The following DUS3L variants were observed in gnomAD, a reference collection of about 807,000 sequenced individuals.
DUS3L encodes the protein tRNA-dihydrouridine(47) synthase [NAD(P)(+)]-like.
In DUS3L, 62 loss-of-function variants were observed where a neutral mutation model predicts 74.6. That is an observed-to-expected ratio of 0.83 (90% CI 0.68 to 1.03). The LOEUF (loss-of-function observed/expected upper bound fraction) is 1.03, where lower values mean the gene tolerates loss of function less well. Among genes scored for constraint, DUS3L ranks in the 50% least tolerant of loss-of-function variants. DUS3L has a pLI of 0.00. For missense variants in DUS3L, 884 were observed against 924.4 expected, an observed-to-expected ratio of 0.96 and a Z score of 0.57; for synonymous variants, 433 against 395.7, an observed-to-expected ratio of 1.09 and a Z score of -1.12.
chr19:5,785,473 C>A lies in DUS3L; in HGVS notation c.1790G>T (p.Arg597Met). The change falls in exon 12 of 13, where the codon AGG becomes ATG. Residue 597 changes from arginine (R) to methionine (M), a missense_variant. Arg to Met is a moderately conservative substitution (Grantham distance 91, BLOSUM62 -1). Coordinates refer to ENST00000309061, the MANE Select transcript of DUS3L (RefSeq NM_020175.3). Reference sequence around the variant, plus strand: ...GTAGTAGGGCGGCCGCTCGTTGATCCTCTGTGGGAGCCGCTCCAGCAGCCC... The same window carrying A: ...GTAGTAGGGCGGCCGCTCGTTGATCATCTGTGGGAGCCGCTCCAGCAGCCC... The part of the protein sequence containing the change: ...PVGLLERLPQ[R>M]INERPPYYLG... The A allele has an allele frequency of 6.3e-7, 1 of 1,581,506 alleles. No individual in the cohort carries two copies. The highest frequency in any genetic ancestry group is 8.6e-7 in the Non-Finnish European group (1 of 1,163,952).
chr19:5,789,506 TCCCGCGGGCC>T lies in DUS3L; in HGVS notation c.591_600del (p.Ala198ProfsTer85), dbSNP rs1424463555. 1 of 1,604,980 alleles carries T rather than the reference TCCCGCGGGCC, an allele frequency of 6.2e-7. No individual in the cohort carries two copies. Among genetic ancestry groups the T allele is most frequent in the East Asian group, 2.2e-5 (1 of 44,762 alleles). ...CCGTTGCGGATGGACGGGGGCTGGG[TCCCGCGGGCC>T]GCCAACTCCTCCTGCACCAGGTTCT... is the stretch of plus-strand genomic sequence containing the variant. On this transcript the variant is annotated frameshift_variant, in exon 3 of 13. Coordinates refer to ENST00000309061, the MANE Select transcript of DUS3L (RefSeq NM_020175.3). LOFTEE classifies it high-confidence loss of function.
Position 5,789,415 on chromosome 19 carries a change from G to A in DUS3L, c.692C>T (p.Ala231Val). 2 of 1,596,562 alleles carry A rather than the reference G, an allele frequency of 1.3e-6. No individual in the cohort carries two copies. Among genetic ancestry groups the A allele is most frequent in the Non-Finnish European group, 1.7e-6 (2 of 1,175,482 alleles). The part of the protein sequence containing the change: ...REVRFERAEQ[A>V]LRRFSQGPTP... ...GGGGCCCTGGCTGAACCGGCGCAGG[G>A]CCTGCTCAGCTCGCTCGAAGCGGAC... Residue 231 changes from alanine (A) to valine (V), a missense_variant, in exon 3 of 13, where the codon GCC (alanine) becomes GTC (valine). By Grantham distance (64) the Ala-to-Val change is moderately conservative. Transcript: ENST00000309061.
At position 5,786,450 on chromosome 19, in the gene DUS3L, C is replaced by T. The variant is rs756414001; in HGVS notation, c.1562+17G>A. The T allele has an allele frequency of 6.2e-6, 10 of 1,611,406 alleles. No individual in the cohort carries two copies. The South Asian group carries it at 8.8e-5, about 14-fold the overall frequency. ...GCTGTGCATGAAGCTGGATCTCTAA[C>T]ATCCCTGGGCACTTACCGGGCAATC... On this transcript the variant is annotated intron_variant, in intron 10 of 12. Transcript: ENST00000309061.
rs114441730 is a variant in DUS3L at position 5,789,947 on chromosome 19, G to A, written c.387+100C>T. 8.6e-4 allele frequency: 1,286 copies of A among 1,499,084 alleles called. 5 individuals carry two copies. In the African/African-American group the frequency reaches 0.013, roughly 15 times the overall value. 92.9% of individuals were successfully genotyped at this position (1,499,084 alleles called of 1,614,324 possible). A position where few individuals can be genotyped will look rare whatever the true frequency, so the allele number is the denominator to read the frequency against. ...TGGCATCAGAGCAAGCTCACTGCTC[G>A]TTGCTGAAGGCCCAGGAGCTTTCTA... On this transcript the variant is annotated intron_variant, in intron 2 of 12. Coordinates refer to ENST00000309061, the MANE Select transcript of DUS3L (RefSeq NM_020175.3).
Position 5,789,394 on chromosome 19 carries a change from C to T in DUS3L, c.713G>A (p.Gly238Asp), listed in dbSNP as rs2056886847. Residue 238 changes from glycine (G) to aspartate (D), a missense_variant, in exon 3 of 13, where the codon GGC becomes GAC. Gly to Asp is a moderately conservative substitution (Grantham distance 94). Coordinates refer to ENST00000309061, the MANE Select transcript of DUS3L (RefSeq NM_020175.3). ...AEQALRRFSQ[G>D]PTPAAAVPEG... ...GGGGACAGCGGCAGCGGGTGTGGGG[C>T]CCTGGCTGAACCGGCGCAGGGCCTG... is the stretch of plus-strand genomic sequence containing the variant. 1.3e-6 allele frequency: 2 copies of T among 1,592,586 alleles called. No individual in the cohort carries two copies. The highest frequency in any genetic ancestry group is 8.5e-7 in the Non-Finnish European group (1 of 1,172,624).
intron 3 of DUS3L, among the ~76,000 whole-genome samples, chr19:5,788,857 C>T (rs894260852): frequency 6.6e-6 from 1 of 152,160 alleles, no homozygotes; most frequent in Admixed American, 6.5e-5. Flanking sequence ...CAGGTGCCCG[C>T]CACCAGGCCC....
Position 5,789,680 on chromosome 19 carries a change from A to C in DUS3L, c.427T>G (p.Phe143Val). 6.2e-7 allele frequency: 1 copy of C among 1,609,156 alleles called. No homozygotes were observed. Among genetic ancestry groups the C allele is most frequent in the South Asian group, 1.1e-5 (1 of 90,222 alleles). ...AGGTAGCGCCCCACGTCGTGCAGAAAGCGGCAGCGATCACCGAAGAAACAC... is the reference window on the plus strand; with the variant it reads ...AGGTAGCGCCCCACGTCGTGCAGAACGCGGCAGCGATCACCGAAGAAACAC... Reference protein sequence around the residue: ...AKCFFGDRCRFLHDVGRYLET... With the variant: ...AKCFFGDRCRVLHDVGRYLET... Residue 143 changes from phenylalanine to valine, a missense_variant, in exon 3 of 13, where the codon TTT becomes GTT. Transcript: ENST00000309061.
At chr19:5,787,206 T>TGGGAGATGGC (rs2056858613) in intron 7 of DUS3L, 35 bp from the exon 8 acceptor site, 4 of 1,067,314 alleles carry the variant, frequency 3.7e-6, no homozygotes, top group African/African-American at 3.8e-5. Flanking sequence ...TGGGAGATGG[T>TGGGAGATGGC]GGGAGGTGGT....
chr19:5,787,222 A>ATGG (rs770606100), intron 7 of DUS3L, 51 bp from the exon 8 acceptor site: 2 of 1,516,398 alleles, frequency 1.3e-6, no homozygotes, highest in African/African-American at 1.4e-5. Context: ...GTGGTGGGAG[A>ATGG]CGGTGGGAGG....
At chr19:5,789,794 T>C (rs2436486) in intron 2 of DUS3L, 75 bp from the exon 3 acceptor site, 80,347 of 1,527,246 alleles carry the variant, frequency 0.053, 8,274 homozygotes, top group African/African-American at 0.44. Flanking sequence ...GTTCAAACTC[T>C]AGATCACCCC....
intron 2 of DUS3L, 135 bp downstream of exon 2, chr19:5,789,912 G>A (rs2056893001): frequency 4.5e-6 from 6 of 1,346,704 alleles, no homozygotes; most frequent in Admixed American, 2.3e-5. Context: ...CGAGGAGAAT[G>A]AAGACGGAAT....
Position 5,788,374 on chromosome 19 carries a change from G to C in DUS3L, c.925C>G (p.Leu309Val). Reference protein sequence around the residue: ...KRLDIRGKLYLAPLTTCGNLP... With the variant: ...KRLDIRGKLYVAPLTTCGNLP... ...GGTCCTACCGTGGTGAGGGGGGCCA[G>C]GTAAAGTTTGCCACGGATGTCCAGC... The change falls in exon 4 of 13, where the codon CTG becomes GTG. Residue 309 changes from leucine to valine, a missense_variant. By Grantham distance (32) the Leu-to-Val change is conservative. Coordinates refer to ENST00000309061, the MANE Select transcript of DUS3L (RefSeq NM_020175.3). 1 of 1,613,680 alleles carries C rather than the reference G, an allele frequency of 6.2e-7. No homozygotes were observed. The highest frequency in any genetic ancestry group is 8.5e-7 in the Non-Finnish European group (1 of 1,179,976).
intron 8 of DUS3L, 93 bp from the exon 9 acceptor site, chr19:5,786,938 G>A (rs767549301): frequency 2.0e-6 from 3 of 1,496,604 alleles, no homozygotes; most frequent in East Asian, 2.4e-5. Context: ...GACAGAGAGA[G>A]ACACAGGCGG....
chr19:5,789,855 A>G, intron 2 of DUS3L, 136 bp from the exon 3 acceptor site: 1 of 1,312,224 alleles, frequency 7.6e-7, no homozygotes, highest in South Asian at 1.4e-5. Flanking sequence ...GTGCCTCTGC[A>G]TCTCCATTTA....
At position 5,789,227 on chromosome 19, in the gene DUS3L, G is replaced by T. The variant is rs111761226; in HGVS notation, c.880C>A (p.Arg294=). ...CGTACCCGCTTCTTCTCACAGGGCC[G>T]CAGCCTGACCACGTCCTCATCCGTC... ...PLTDEDVVRL[R]PCEKKRLDIR... Residue 294 remains arginine, a synonymous_variant, in exon 3 of 13, where the codon CGG becomes AGG. Transcript: ENST00000309061. 1 of 1,551,416 alleles carries T rather than the reference G, an allele frequency of 6.4e-7. No homozygotes were observed.
rs1490852688 is a variant in DUS3L, at chr19:5,791,078, C to G, written c.64G>C (p.Ala22Pro). ...NGGGGDSGAG[A>P]LERGVAPIKR... is the part of the protein sequence containing the mutation. ...ATGGGCGCCACTCCTCGTTCCAAAG[C>G]TCCGGCTCCCGAGTCGCCACCACCA... The change falls in exon 1 of 13, where the codon GCT becomes CCT. Residue 22 changes from alanine to proline, a missense_variant. Ala to Pro is a conservative substitution (Grantham distance 27, BLOSUM62 -1). Transcript: ENST00000309061. 1 of 1,607,654 alleles carries G rather than the reference C, an allele frequency of 6.2e-7. No homozygotes were observed. The highest frequency in any genetic ancestry group is 1.1e-5 in the South Asian group (1 of 89,622).
Position 5,787,375 on chromosome 19 carries a change from G to A in DUS3L, c.1213-14C>T. 4 of 1,612,836 alleles carry A rather than the reference G, an allele frequency of 2.5e-6. No homozygotes were observed. Among genetic ancestry groups the A allele is most frequent in the Non-Finnish European group, 3.4e-6 (4 of 1,179,724 alleles). On this transcript the variant is annotated splice_polypyrimidine_tract_variant and intron_variant, in intron 6 of 12. Coordinates refer to ENST00000309061, the MANE Select transcript of DUS3L (RefSeq NM_020175.3). Reference sequence around the variant, plus strand: ...ACAGCCCCCACCCTGGAAGAGACAGGCGGGTGGAGGGAGGGCAGGACGTGG... The same window carrying A: ...ACAGCCCCCACCCTGGAAGAGACAGACGGGTGGAGGGAGGGCAGGACGTGG...
chr19:5,787,863 G>A (rs1568386981), intron 5 of DUS3L, among the ~76,000 whole-genome samples, 158 bp from the exon 6 acceptor site: 3 of 152,314 alleles, frequency 2.0e-5, no homozygotes, highest in Middle Eastern at 3.4e-3. Context: ...ACCGGTCCCC[G>A]GCCACGGCCA....
At position 5,787,133 on chromosome 19, in the gene DUS3L, G is replaced by A. The variant is rs145098462; in HGVS notation, c.1317C>T (p.Gly439=). 1.4e-5 allele frequency: 14 copies of A among 975,734 alleles called. No individual in the cohort carries two copies. The highest frequency in any genetic ancestry group is 1.4e-4 in the African/African-American group (3 of 21,446). The allele number at this position is 975,734 out of a possible 1,614,324, so 60.4% of individuals were successfully genotyped here. The change falls in exon 8 of 13, where the codon GGC becomes GGT. Residue 439 remains glycine (G), a synonymous_variant. Transcript: ENST00000309061. ...DVPLTVKIRT[G]VQERVNLAHR... Reference sequence around the variant, plus strand: ...GCGCCAGGTTCACACGCTCCTGGACGCCTGTGCGGATCTTCACAGTCAGCG... The same window carrying A: ...GCGCCAGGTTCACACGCTCCTGGACACCTGTGCGGATCTTCACAGTCAGCG...
Sources: allele counts gnomAD v4.1 joint callset (sites outside exome capture counted in the v4.1 genomes callset), GRCh38; gene constraint gnomAD v4.1.1; transcripts MANE v1.5; gene names NCBI Gene and HGNC (gene_info 2026-07-23, HGNC 2026-07-21).